VAV1: variants seen among roughly 807,000 people sequenced by gnomAD.
VAV1 encodes vav guanine nucleotide exchange factor 1.
In VAV1, 33 loss-of-function variants were observed where a neutral mutation model predicts 128.1. The ratio of observed to expected loss-of-function variants is 0.26; its 90% CI spans 0.20 to 0.34. The LOEUF is 0.34. VAV1 is among the 10% of genes least tolerant of loss of function. VAV1 has a pLI of 1.00. For missense variants in VAV1, 715 were observed against 1,093.7 expected (o/e 0.65, Z 4.88); for synonymous variants, 394 against 409.8 (o/e 0.96, Z 0.47).
At chr19:6,830,766 G>A (rs116635590) in intron 14 of VAV1, among the ~76,000 whole-genome samples, 1,651 of 151,980 alleles carry the variant, frequency 0.011, 14 homozygotes, top group African/African-American at 0.02. Context: ...TGGTACTTGC[G>A]TTCTTATGGG....
chr19:6,776,307 TCC>T (rs1970629409), intron 1 of VAV1, among the ~76,000 whole-genome samples: 4 of 149,202 alleles, frequency 2.7e-5, no homozygotes, highest in Non-Finnish European at 4.5e-5. Context: ...CATCCATCCA[TCC>T]ATCCATCCAT....
chr19:6,811,105 A>G (rs10417070), intron 1 of VAV1, among the ~76,000 whole-genome samples: 17,945 of 152,054 alleles, frequency 0.12, 3,015 homozygotes, highest in African/African-American at 0.38. Flanking sequence ...GCACGATCTC[A>G]GCTCACTGCA....
intron 1 of VAV1, among the ~76,000 whole-genome samples, chr19:6,812,076 C>A (rs1298260357): frequency 6.6e-6 from 1 of 152,210 alleles, no homozygotes. Context: ...CAGAAGCAGT[C>A]ACATGACTGC....
Position 6,822,315 on chromosome 19 carries a change from C to A in VAV1, c.544C>A (p.Pro182Thr). Residue 182 changes from proline (P) to threonine (T), a missense_variant, in exon 5 of 27, where the codon CCC (proline) becomes ACC (threonine). Around this residue, in one of 3 missense-constraint regions of VAV1, gnomAD observed 302 missense variants for 477.8 expected, o/e 0.63. Transcript: ENST00000602142. The surrounding 1 kb of genome is among the most constrained non-coding windows in gnomAD (Gnocchi z 5.9). ...EIYEDLMRSEPVSMPPKMTEY... is the reference protein window; with the variant it reads ...EIYEDLMRSETVSMPPKMTEY... The stretch of plus-strand genomic sequence containing the variant: ...CTATGAGGACCTCATGCGCTCGGAG[C>A]CCGTGTCCATGCCGGTGCGTGACGT... 3 of 1,580,156 alleles carry A rather than the reference C, an allele frequency of 1.9e-6. No individual in the cohort carries two copies. The highest frequency in any genetic ancestry group is 1.7e-6 in the Non-Finnish European group (2 of 1,164,274).
intron 1 of VAV1, among the ~76,000 whole-genome samples, chr19:6,806,854 C>T (rs1971407673): frequency 6.6e-6 from 1 of 152,220 alleles, no homozygotes; most frequent in African/African-American, 2.4e-5. Flanking sequence ...TTCATTCTTT[C>T]CACCATCCCT....
chr19:6,820,350 T>C lies in VAV1; in HGVS notation c.205-352T>C, dbSNP rs1971752875. ...TCCTGGGCTCAGTGATCCACTCATC[T>C]CCGCCTCCTGAGTAGTTCAAAATGT... On this transcript the variant is annotated intron_variant, in intron 1 of 26. Coordinates refer to ENST00000602142, the MANE Select transcript of VAV1 (RefSeq NM_005428.4). The surrounding 1 kb of genome is among the most constrained non-coding windows in gnomAD (Gnocchi z 4.4). Among the ~76,000 whole-genome samples the C allele has an allele frequency of 6.6e-6, 1 of 152,174 alleles. No individual in the cohort carries two copies. Among genetic ancestry groups the C allele is most frequent in the Non-Finnish European group, 1.5e-5 (1 of 68,038 alleles).
chr19:6,835,321 T>C (rs1972194874), intron 19 of VAV1, among the ~76,000 whole-genome samples: 1 of 152,136 alleles, frequency 6.6e-6, no homozygotes, highest in African/African-American at 2.4e-5. Flanking sequence ...TATGACTTAA[T>C]ACATTTTTAT....
Position 6,825,129 on chromosome 19 carries a change from G to T in VAV1, c.723+8G>T. 1 of 1,610,788 alleles carries T rather than the reference G, an allele frequency of 6.2e-7. No homozygotes were observed. Among genetic ancestry groups the T allele is most frequent in the East Asian group, 2.2e-5 (1 of 44,878 alleles). Reference sequence around the variant, plus strand: ...ATCTTTATCAACATTGAGGTGAGCCGGCCGATCCCCAGCCCTCTTGGGTCT... The same window carrying T: ...ATCTTTATCAACATTGAGGTGAGCCTGCCGATCCCCAGCCCTCTTGGGTCT... On this transcript the variant is annotated splice_region_variant and intron_variant, in intron 7 of 26. Transcript: ENST00000602142.
intron 1 of VAV1, among the ~76,000 whole-genome samples, chr19:6,789,593 C>CTCCT (rs1555698635): frequency 3.3e-5 from 5 of 150,100 alleles, no homozygotes; most frequent in South Asian, 2.1e-4. Flanking sequence ...TTTTCTTTCC[C>CTCCT]TCCTTCCTTC....
At chr19:6,783,898 G>T (rs937413455) in intron 1 of VAV1, among the ~76,000 whole-genome samples, 1 of 152,066 alleles carries the variant, frequency 6.6e-6, no homozygotes, top group African/African-American at 2.4e-5. Context: ...AGTCACTGCC[G>T]TAGAACCTCA....
rs1185606910 is a variant in VAV1, at chr19:6,828,401, A to G, written c.1024-18A>G. On this transcript the variant is annotated intron_variant, in intron 10 of 26. Transcript: ENST00000602142. The surrounding 1 kb of genome is among the most constrained non-coding windows in gnomAD (Gnocchi z 4.5). ...AGGGGAGGGGCCCAGGTGACGTCTG[A>G]CGTCTTGGTTCTCTCAGGAGCTGGT... 1 of 1,613,896 alleles carries G rather than the reference A, an allele frequency of 6.2e-7. No homozygotes were observed. The highest frequency in any genetic ancestry group is 8.5e-7 in the Non-Finnish European group (1 of 1,179,980).
intron 1 of VAV1, among the ~76,000 whole-genome samples, chr19:6,808,055 A>T (rs1971435083): frequency 6.6e-6 from 1 of 150,932 alleles, no homozygotes; most frequent in African/African-American, 2.4e-5. Context: ...GCTCAAGCCT[A>T]TAATCCCAGC....
chr19:6,851,160 A>G (rs1217628855), intron 24 of VAV1, among the ~76,000 whole-genome samples: 1 of 151,660 alleles, frequency 6.6e-6, no homozygotes, highest in Non-Finnish European at 1.5e-5. Context: ...TTTTATATAT[A>G]TAGATAGATA....
At chr19:6,838,097 G>GTCTATCTATCTATCTATCTA (rs151241479) in intron 21 of VAV1, among the ~76,000 whole-genome samples, 103 of 146,650 alleles carry the variant, frequency 7.0e-4, no homozygotes, top group Non-Finnish European at 1.2e-3. Context: ...CTGTCTGTCT[G>GTCTATCTATCTATCTATCTA]TCTATCTATC....
intron 21 of VAV1, 136 bp downstream of exon 21, chr19:6,837,186 G>C: frequency 1.2e-6 from 1 of 843,060 alleles, no homozygotes; most frequent in East Asian, 2.6e-5. Flanking sequence ...CTAACTCAAG[G>C]CTTCACCCAC....
intron 1 of VAV1, among the ~76,000 whole-genome samples, chr19:6,810,993 C>T (rs552338733): frequency 2.2e-4 from 33 of 152,142 alleles, no homozygotes; most frequent in Non-Finnish European, 4.3e-4. Flanking sequence ...TCATCTGGAA[C>T]GGAGGTACAG....
In VAV1 at chr19:6,828,403, G is replaced by A. The variant is rs754777718; in HGVS notation, c.1024-16G>A. 6.2e-7 allele frequency: 1 copy of A among 1,614,046 alleles called. No homozygotes were observed. The highest frequency in any genetic ancestry group is 8.5e-7 in the Non-Finnish European group (1 of 1,180,018). The stretch of plus-strand genomic sequence containing the variant: ...GGGAGGGGCCCAGGTGACGTCTGAC[G>A]TCTTGGTTCTCTCAGGAGCTGGTGA... On this transcript the variant is annotated splice_polypyrimidine_tract_variant and intron_variant, in intron 10 of 26. Coordinates refer to ENST00000602142, the MANE Select transcript of VAV1 (RefSeq NM_005428.4). The surrounding 1 kb of genome is among the most constrained non-coding windows in gnomAD (Gnocchi z 4.5).
At position 6,832,647 on chromosome 19, in the gene VAV1, C is replaced by CT. The variant is rs1972107662; in HGVS notation, c.1508+447_1508+448insT. 1.2e-3 allele frequency among the ~76,000 whole-genome samples: 154 copies of CT among 133,594 alleles called. 1 individual carries two copies. The highest frequency in any genetic ancestry group is 3.8e-3 in the Middle Eastern group (1 of 266). 87.6% of individuals were successfully genotyped at this position (133,594 alleles called of 152,430 possible). On this transcript the variant is annotated intron_variant, in intron 15 of 26. Coordinates refer to ENST00000602142, the MANE Select transcript of VAV1 (RefSeq NM_005428.4). ...CTTCTTCCTCCTCCTCCCTTTCCTC[C>CT]CCTTCTTCCTCCTCCTCCTCCTCTT...
intron 1 of VAV1, among the ~76,000 whole-genome samples, chr19:6,796,139 GCA>G (rs1230908111): frequency 6.6e-6 from 1 of 152,172 alleles, no homozygotes; most frequent in Admixed American, 6.5e-5. Context: ...CAACACCATT[GCA>G]TTGGGGATTA....
Sources: allele counts gnomAD v4.1 joint callset (sites outside exome capture counted in the v4.1 genomes callset), GRCh38; gene constraint gnomAD v4.1.1; regional missense constraint gnomAD v4.1.1; non-coding constraint Gnocchi (gnomAD v3.1); transcripts MANE v1.5; gene names NCBI Gene and HGNC (gene_info 2026-07-23, HGNC 2026-07-21).